PPP2R3B: variants seen among roughly 807,000 people sequenced by gnomAD.
PPP2R3B encodes serine/threonine-protein phosphatase 2A regulatory subunit B'' subunit beta.
PPP2R3B carries 68 observed loss-of-function variants against 72.9 expected under a neutral mutation model. The ratio of observed to expected loss-of-function variants is 0.93; its 90% confidence interval spans 0.77 to 1.14. The LOEUF is 1.14. Among genes scored for constraint, PPP2R3B ranks in the 50% most tolerant of loss-of-function variants. The pLI, the probability that PPP2R3B is intolerant of heterozygous loss-of-function variation, is 0.00. For missense variants in PPP2R3B, 1,018 were observed against 842.0 expected (o/e 1.21, Z -2.59); for synonymous variants, 466 against 375.8 (o/e 1.24, Z -2.78).
chrX:361,042 C>T (rs777279605), intron 2 of PPP2R3B, among the ~76,000 whole-genome samples: 1 of 152,296 alleles, frequency 6.6e-6, no homozygotes, highest in South Asian at 2.1e-4. Flanking sequence ...CAGGAGGGTG[C>T]AGAACGGCCT....
intron 2 of PPP2R3B, chrX:359,984 C>A (rs1404644531): frequency 5.7e-6 from 2 of 349,010 alleles, no homozygotes; most frequent in Non-Finnish European, 1.1e-5. Context: ...AAACACAATC[C>A]CTAATAGAAA....
chrX:347,094 G>T, intron 4 of PPP2R3B, 140 bp downstream of exon 4: 1 of 1,051,748 alleles, frequency 9.5e-7, no homozygotes, highest in South Asian at 1.3e-5. Flanking sequence ...GCCCTCCCAT[G>T]AGGTGTGCGG....
In PPP2R3B at chrX:338,641, C is replaced by T; in HGVS notation, c.1540G>A (p.Val514Met). The T allele has an allele frequency of 6.2e-7, 1 of 1,611,160 alleles. No homozygotes were observed. Among genetic ancestry groups the T allele is most frequent in the Non-Finnish European group, 8.5e-7 (1 of 1,179,610 alleles). ...GGCTCTCCCGCAGTCTCCTCGGCCA[C>T]CAGGATGTCGTACTCCTCGGCCGCG... ...KYAAEEYDIL[V>M]AEETAGEPWE... Residue 514 changes from valine (V) to methionine (M), a missense_variant, in exon 12 of 13, where the codon GTG (valine) becomes ATG (methionine). Val to Met is a conservative substitution (Grantham distance 21). Coordinates refer to ENST00000390665, the MANE Select transcript of PPP2R3B (RefSeq NM_013239.5).
intron 7 of PPP2R3B, among the ~76,000 whole-genome samples, chrX:344,213 GGGATTGAGACCTCACCAACGGGAGGCC>G (rs2071144592): frequency 1.1e-5 from 1 of 90,742 alleles, no homozygotes; most frequent in Non-Finnish European, 2.5e-5. Context: ...AACGGGAGGC[GGGATTGAGACCTCACCAACGGGAGGCC>G]GGAGTGAGAC....
intron 7 of PPP2R3B, chrX:345,263 A>G (rs1352387642): frequency 8.7e-6 from 6 of 687,510 alleles, no homozygotes; most frequent in African/African-American, 5.3e-5. Flanking sequence ...CTTCAGGACC[A>G]GCGGCCCACA....
At chrX:348,581 A>AAAAAAAAAAAAAAAAAAAAAAAAAAG (rs111787156) in intron 2 of PPP2R3B, among the ~76,000 whole-genome samples, 20 of 144,448 alleles carry the variant, frequency 1.4e-4, no homozygotes, top group African/African-American at 5.2e-4. Flanking sequence ...GTCTCAAAAA[A>AAAAAAAAAAAAAAAAAAAAAAAAAAG]AGAGCAAATA....
At chrX:355,407 G>T (rs1210262583) in intron 2 of PPP2R3B, among the ~76,000 whole-genome samples, 3 of 152,206 alleles carry the variant, frequency 2.0e-5, no homozygotes, top group Non-Finnish European at 4.4e-5. Context: ...ATATGGTCAA[G>T]ATTCTTCCAA....
At chrX:366,854 C>A (rs1450930199) in intron 1 of PPP2R3B, among the ~76,000 whole-genome samples, 1 of 145,262 alleles carries the variant, frequency 6.9e-6, no homozygotes. Context: ...CAGAGTGAGA[C>A]TCTGTCTCAA....
At chrX:371,963 T>C in intron 1 of PPP2R3B, among the ~76,000 whole-genome samples, 1 of 152,322 alleles carries the variant, frequency 6.6e-6, no homozygotes, top group East Asian at 1.9e-4. Flanking sequence ...GAATTCATGA[T>C]TTCCCAGAAA....
At chrX:344,781 C>G in intron 7 of PPP2R3B, 3 of 276,922 alleles carry the variant, frequency 1.1e-5, no homozygotes, top group South Asian at 1.1e-4. Context: ...ACGCAGGGAT[C>G]TACTGCGGCC....
chrX:386,545 C>T lies in PPP2R3B; in HGVS notation c.147G>A (p.Pro49=), dbSNP rs2072256953. The T allele has an allele frequency of 3.5e-6, 5 of 1,431,740 alleles. No individual in the cohort carries two copies. The highest frequency in any genetic ancestry group is 1.5e-5 in the African/African-American group (1 of 67,318). The allele number at this position is 1,431,740 out of a possible 1,614,324, so 88.7% of individuals were successfully genotyped here. A position where few individuals can be genotyped will look rare whatever the true frequency, so the allele number is the denominator to read the frequency against. The change falls in exon 1 of 13, where the codon CCG becomes CCA. Residue 49 remains proline (P), a synonymous_variant. Transcript: ENST00000390665. The part of the protein sequence containing the change: ...IKAPGRDQPT[P]GDGEQPGAWP... ...AGGCCCCGGGCTGCTCCCCGTCCCC[C>T]GGGGTCGGCTGGTCCCGCCCGGGCG... is the stretch of plus-strand genomic sequence containing the variant.
At chrX:371,272 G>A (rs1380685639) in intron 1 of PPP2R3B, among the ~76,000 whole-genome samples, 4 of 151,914 alleles carry the variant, frequency 2.6e-5, no homozygotes, top group Admixed American at 1.3e-4. Flanking sequence ...GAGCCTCCCC[G>A]GACCCACGGT....
chrX:360,099 A>G (rs1217363890), intron 2 of PPP2R3B, among the ~76,000 whole-genome samples: 3 of 152,238 alleles, frequency 2.0e-5, no homozygotes, highest in Non-Finnish European at 4.4e-5. Context: ...TTCTCTGTGA[A>G]TCCAGTTGCA....
At chrX:380,786 C>CAAAAAAAAAAAAAAAAAAAAAAAAAA (rs1054118917) in intron 1 of PPP2R3B, among the ~76,000 whole-genome samples, 1 of 53,126 alleles carries the variant, frequency 1.9e-5, no homozygotes. Context: ...AACTCCATCT[C>CAAAAAAAAAAAAAAAAAAAAAAAAAA]AAAAAAAAAA....
chrX:344,978 C>T (rs1290363521), intron 7 of PPP2R3B: 11 of 356,326 alleles, frequency 3.1e-5, no homozygotes, highest in Non-Finnish European at 4.4e-5. Flanking sequence ...CCCCACAGGC[C>T]ACAGGCCGCT....
rs372156751 is a variant in PPP2R3B, at chrX:347,243, G to C, written c.708C>G (p.Pro236=). 808 of 1,613,456 alleles carry C rather than the reference G, an allele frequency of 5.0e-4. 1 individual carries two copies. The highest frequency in any genetic ancestry group is 6.8e-4 in the Non-Finnish European group (799 of 1,179,724). Residue 236 remains proline (P), a synonymous_variant, in exon 4 of 13, where the codon CCC becomes CCG. Transcript: ENST00000390665. ...AGACGCAGGCTCTCACCTGCAAGAA[G>C]GGGACAAAGTCCTCCTGCACCAGGT... is the stretch of plus-strand genomic sequence containing the variant. ...CNYLVQEDFV[P]FLQDVVNTHP...
At chrX:363,924 C>T (rs1285716366) in intron 1 of PPP2R3B, among the ~76,000 whole-genome samples, 1 of 152,256 alleles carries the variant, frequency 6.6e-6, no homozygotes, top group Non-Finnish European at 1.5e-5. Context: ...ACCAACCTTC[C>T]TGATGAAAAC....
chrX:341,752 C>T lies in PPP2R3B; in HGVS notation c.1085+131G>A, dbSNP rs372867102. 1.2e-4 allele frequency: 124 copies of T among 1,004,058 alleles called. No individual in the cohort carries two copies. In the African/African-American group the frequency reaches 1.6e-3, roughly 13 times the overall value. The allele number at this position is 1,004,058 out of a possible 1,614,324, so 62.2% of individuals were successfully genotyped here. On this transcript the variant is annotated intron_variant, in intron 8 of 12. Transcript: ENST00000390665. ...TTCACGTGACAGAGACACGTGCCCCCCTCGCCAGGGCCTGGGGTGACAACC... is the reference window on the plus strand; with the variant it reads ...TTCACGTGACAGAGACACGTGCCCCTCTCGCCAGGGCCTGGGGTGACAACC...
At chrX:377,388 A>G (rs2072019489) in intron 1 of PPP2R3B, among the ~76,000 whole-genome samples, 1 of 31,286 alleles carries the variant, frequency 3.2e-5, no homozygotes, top group Non-Finnish European at 6.7e-5. Flanking sequence ...TGGGGCCGCC[A>G]TGGGGCTGTC....
Sources: gnomAD v4.1 joint callset for allele counts (sites outside exome capture counted in the v4.1 genomes callset) on GRCh38, gnomAD v4.1.1 for gene constraint, MANE v1.5 for transcripts, NCBI Gene and HGNC (gene_info 2026-07-23, HGNC 2026-07-21) for gene names.